MNAT1: variants seen among roughly 807,000 people sequenced by gnomAD.
The protein encoded by MNAT1 is MNAT1 component of CDK activating kinase, also known as CDK-activating kinase assembly factor MAT1.
A neutral mutation model predicts 42.0 loss-of-function variants in MNAT1; 43 were observed. The observed-to-expected ratio is 1.02, with a 90% CI of 0.80 to 1.32. MNAT1 has a LOEUF of 1.32. Among genes scored for constraint, MNAT1 ranks in the 40% most tolerant of loss-of-function variants. The pLI, the probability that MNAT1 is intolerant of heterozygous loss-of-function variation, is 0.00. For missense variants in MNAT1, 306 were observed against 350.4 expected (o/e 0.87, Z 1.01); for synonymous variants, 118 against 120.0 (o/e 0.98, Z 0.11).
intron 1 of MNAT1, among the ~76,000 whole-genome samples, chr14:60,738,221 C>T (rs1896364690): frequency 1.3e-5 from 2 of 149,180 alleles, no homozygotes; most frequent in African/African-American, 2.5e-5. Context: ...AGCATCTTAT[C>T]AGATGCTTTT....
chr14:60,756,235 G>T (rs2030343657), intron 1 of MNAT1, among the ~76,000 whole-genome samples: 1 of 152,186 alleles, frequency 6.6e-6, no homozygotes, highest in African/African-American at 2.4e-5. Context: ...GAAAGTTTCA[G>T]TGATAGTACA....
At chr14:60,851,463 A>G (rs910468269) in intron 6 of MNAT1, among the ~76,000 whole-genome samples, 2 of 152,072 alleles carry the variant, frequency 1.3e-5, no homozygotes, top group African/African-American at 4.8e-5. Flanking sequence ...CCAACAGCAT[A>G]TTCTCACTTT....
At chr14:60,849,358 T>G (rs1180796635) in intron 6 of MNAT1, among the ~76,000 whole-genome samples, 1 of 152,196 alleles carries the variant, frequency 6.6e-6, no homozygotes, top group East Asian at 1.9e-4. Context: ...AAATTTAAAT[T>G]GAATGGTACA....
chr14:60,761,523 T>G (rs2030599847), intron 1 of MNAT1, among the ~76,000 whole-genome samples: 1 of 152,230 alleles, frequency 6.6e-6, no homozygotes, highest in African/African-American at 2.4e-5. Flanking sequence ...TTTTCAATCC[T>G]TAGCACTAAG....
At chr14:60,873,351 CATACCCATTTT>C in intron 6 of MNAT1, among the ~76,000 whole-genome samples, 1 of 152,230 alleles carries the variant, frequency 6.6e-6, no homozygotes, top group South Asian at 2.1e-4. Flanking sequence ...AAATATAAAA[CATACCCATTTT>C]ATACCCATTT....
At chr14:60,780,285 A>T (rs1234112890) in intron 1 of MNAT1, 1 of 1,463,164 alleles carries the variant, frequency 6.8e-7, no homozygotes, top group East Asian at 2.3e-5. Flanking sequence ...TGACAGTTTG[A>T]TATTGAGTGT....
rs558924055 is a variant in MNAT1, at chr14:60,820,089, T to C, written c.687+1242T>C. ...AGAATCTTTGTTTGGCTTTTATCAT[T>C]ATATGCCTGCATTTCAAAGTCAGTG... On this transcript the variant is annotated intron_variant, in intron 6 of 7. Coordinates refer to ENST00000261245, the MANE Select transcript of MNAT1 (RefSeq NM_002431.4). Among the ~76,000 whole-genome samples the C allele has an allele frequency of 6.6e-5, 10 of 152,244 alleles. No homozygotes were observed. The East Asian group carries it at 1.9e-3, about 29-fold the overall frequency.
intron 1 of MNAT1, among the ~76,000 whole-genome samples, chr14:60,763,943 A>G (rs929476749): frequency 6.6e-6 from 1 of 152,224 alleles, no homozygotes; most frequent in Non-Finnish European, 1.5e-5. Context: ...CTTAAGCTTC[A>G]GAGATATAGT....
At chr14:60,902,660 AT>A (rs988541101) in intron 7 of MNAT1, among the ~76,000 whole-genome samples, 3 of 152,144 alleles carry the variant, frequency 2.0e-5, no homozygotes, top group African/African-American at 4.8e-5. Flanking sequence ...TCCTTTTGGG[AT>A]TGTACCTGGA....
intron 1 of MNAT1, among the ~76,000 whole-genome samples, chr14:60,754,433 C>T (rs1324217554): frequency 6.0e-5 from 9 of 151,178 alleles, no homozygotes; most frequent in East Asian, 3.9e-4. Flanking sequence ...CTGCAACCTC[C>T]GCCTCCCAGG....
chr14:60,878,629 A>G (rs1178576473), intron 6 of MNAT1, among the ~76,000 whole-genome samples: 3 of 152,156 alleles, frequency 2.0e-5, no homozygotes, highest in Non-Finnish European at 2.9e-5. Context: ...CAGAAACTCA[A>G]TAAGCAAAAT....
intron 7 of MNAT1, among the ~76,000 whole-genome samples, chr14:60,893,810 C>G (rs1332600263): frequency 3.3e-5 from 5 of 151,980 alleles, no homozygotes; most frequent in Non-Finnish European, 7.4e-5. Flanking sequence ...GGTGTTGCTC[C>G]CCTATAGTAG....
rs374456541 is a variant in MNAT1, at chr14:60,879,718, A to G, written c.692A>G (p.Gln231Arg). ...GTTCCTTCATTTTTCTAACAGGGTC[A>G]ACATATTTCACTGGCACCTATTCAC... ...VTFSTGIKMG[Q>R]HISLAPIHKL... Residue 231 changes from glutamine to arginine, a missense_variant, in exon 7 of 8, where the codon CAA becomes CGA. Around this residue, in one of 3 missense-constraint regions of MNAT1, gnomAD observed 116 missense variants for 139.6 expected, o/e 0.83. Transcript: ENST00000261245. 3 of 1,612,038 alleles carry G rather than the reference A, an allele frequency of 1.9e-6. No homozygotes were observed. The highest frequency in any genetic ancestry group is 2.5e-6 in the Non-Finnish European group (3 of 1,178,894).
chr14:60,934,658 T>C (rs2035955789), intron 7 of MNAT1, among the ~76,000 whole-genome samples: 2 of 152,260 alleles, frequency 1.3e-5, no homozygotes, highest in Admixed American at 6.5e-5. Context: ...TGTAGAACTA[T>C]AAGTGCAATT....
At chr14:60,806,307 T>G (rs945066359) in intron 3 of MNAT1, among the ~76,000 whole-genome samples, 1 of 152,116 alleles carries the variant, frequency 6.6e-6, no homozygotes, top group South Asian at 2.1e-4. Flanking sequence ...AAAATGGGTA[T>G]AGAAGGGTGA....
chr14:60,940,328 C>T (rs541009442), intron 7 of MNAT1, among the ~76,000 whole-genome samples: 12 of 152,308 alleles, frequency 7.9e-5, no homozygotes, highest in East Asian at 3.9e-4. Flanking sequence ...TTCCTAGCCT[C>T]GATGGTCTTT....
In MNAT1 at chr14:60,734,950, CTG is replaced by C. The variant is rs1896261554; in HGVS notation, c.89+2_89+3del. On this transcript the variant is annotated splice_donor_variant and coding_sequence_variant, in exon 1 of 8. Coordinates refer to ENST00000261245, the MANE Select transcript of MNAT1 (RefSeq NM_002431.4). LOFTEE classifies it high-confidence loss of function. The surrounding 1 kb of genome is among the most constrained non-coding windows in gnomAD (Gnocchi z 4.3). ...GATGGTGAATGTGTGCGGACACACT[CTG>C]TGAGTTGGGCGGCAGTGGATTCCCT... 1 of 1,614,102 alleles carries C rather than the reference CTG, an allele frequency of 6.2e-7. No individual in the cohort carries two copies. Among genetic ancestry groups the C allele is most frequent in the Non-Finnish European group, 8.5e-7 (1 of 1,179,982 alleles).
chr14:60,943,617 T>C (rs1299564790), intron 7 of MNAT1, among the ~76,000 whole-genome samples: 1 of 3,698 alleles, frequency 2.7e-4, no homozygotes, highest in Non-Finnish European at 0.05. Context: ...TTTGTTTCTC[T>C]TTTTTTTTTT....
intron 1 of MNAT1, among the ~76,000 whole-genome samples, chr14:60,749,151 TC>T (rs1268511743): frequency 6.6e-6 from 1 of 152,190 alleles, no homozygotes; most frequent in South Asian, 2.1e-4. Context: ...TTGGAGGAAA[TC>T]TATCCAGATT....
Sources: allele counts gnomAD v4.1 joint callset (sites outside exome capture counted in the v4.1 genomes callset), GRCh38; gene constraint gnomAD v4.1.1; regional missense constraint gnomAD v4.1.1; non-coding constraint Gnocchi (gnomAD v3.1); transcripts MANE v1.5; gene names NCBI Gene and HGNC (gene_info 2026-07-23, HGNC 2026-07-21).